Variants in SZT2 observed in about 807,000 individuals in gnomAD.
SZT2 encodes KICSTOR complex protein SZT2.
SZT2 carries 216 observed loss-of-function variants against 404.2 expected under a neutral mutation model. That is an observed-to-expected ratio of 0.53 (90% CI 0.48 to 0.60). SZT2 has a LOEUF of 0.60. SZT2 is among the 20% of genes least tolerant of loss of function. SZT2 has a pLI of 0.00. For synonymous variants in SZT2, 1,693 were observed against 1,749.9 expected (o/e 0.97, Z 0.81); for missense variants, 3,857 against 4,459.2 (o/e 0.86, Z 3.85).
In SZT2 at chr1:43,442,115, A is replaced by G; in HGVS notation, c.7858A>G (p.Arg2620Gly). The G allele has an allele frequency of 6.5e-7, 1 of 1,537,606 alleles. No homozygotes were observed. Among genetic ancestry groups the G allele is most frequent in the Non-Finnish European group, 8.8e-7 (1 of 1,134,630 alleles). The change falls in exon 56 of 72, where the codon AGA becomes GGA. Residue 2620 changes from arginine to glycine, a missense_variant. Coordinates refer to ENST00000634258, the MANE Select transcript of SZT2 (RefSeq NM_001365999.1). This position sits in a 1 kb window ranked among gnomAD's most constrained non-coding sequence, Gnocchi z 4.5. ...GGGAAGGAACTTCTTGCAGTGGAGG[A>G]GACCAACACAGCAGGGTGAGGGCAT... ...LLGRNFLQWRRPTQQAAKAMQ... is the reference protein window; with the variant it reads ...LLGRNFLQWRGPTQQAAKAMQ...
At position 43,451,375 on chromosome 1, in the gene SZT2, C is replaced by T; in HGVS notation, c.*895C>T. 6.2e-7 allele frequency: 1 copy of T among 1,611,982 alleles called. No homozygotes were observed. The highest frequency in any genetic ancestry group is 1.1e-5 in the South Asian group (1 of 91,080). ...GGAGAAAACAGCCCCTGTCCGGGTC[C>T]CTCCAGAGCTCCCTTCCCCAGGGCC... On this transcript the variant is annotated 3_prime_UTR_variant, in exon 72 of 72. Coordinates refer to ENST00000634258, the MANE Select transcript of SZT2 (RefSeq NM_001365999.1).
rs1236665761 is a variant in SZT2 at position 43,401,657 on chromosome 1, T to C, written c.28-1520T>C. 5.9e-5 allele frequency among the ~76,000 whole-genome samples: 9 copies of C among 152,144 alleles called. No individual in the cohort carries two copies. In the East Asian group the frequency reaches 1.4e-3, roughly 23 times the overall value. ...CCTGCCACCACGCCTAGCTAATTTT[T>C]GTATTTTTAGTAGAGACGGGGTTTC... On this transcript the variant is annotated intron_variant, in intron 1 of 71. Coordinates refer to ENST00000634258, the MANE Select transcript of SZT2 (RefSeq NM_001365999.1).
Position 43,442,196 on chromosome 1 carries a change from T to C in SZT2, c.7873+66T>C. ...AGAGTAACTGGTGGGGTCTCCAACCTTGCAGAGGGGAGGGTGGGATCAAGG... is the reference window on the plus strand; with the variant it reads ...AGAGTAACTGGTGGGGTCTCCAACCCTGCAGAGGGGAGGGTGGGATCAAGG... On this transcript the variant is annotated intron_variant, in intron 56 of 71. Coordinates refer to ENST00000634258, the MANE Select transcript of SZT2 (RefSeq NM_001365999.1). The surrounding 1 kb of genome is among the most constrained non-coding windows in gnomAD (Gnocchi z 4.5). The C allele has an allele frequency of 6.2e-7, 1 of 1,600,650 alleles. No homozygotes were observed. The highest frequency in any genetic ancestry group is 1.3e-5 in the African/African-American group (1 of 74,784).
intron 1 of SZT2, among the ~76,000 whole-genome samples, chr1:43,398,809 C>T (rs556029228): frequency 9.9e-5 from 15 of 152,256 alleles, no homozygotes; most frequent in Admixed American, 8.5e-4. Flanking sequence ...AGGTTGGGTG[C>T]GGTGGCTCAC....
rs1178290942 is a variant in SZT2 at position 43,453,546 on chromosome 1, G to GC, written c.*3067dup. The GC allele has an allele frequency of 9.9e-6, 15 of 1,520,212 alleles. 1 individual carries two copies. The highest frequency in any genetic ancestry group is 9.7e-5 in the African/African-American group (7 of 72,512). 94.2% of individuals were successfully genotyped at this position (1,520,212 alleles called of 1,614,324 possible). ...CCCCGGCTCGGACACTCCCCTGCCC[G>GC]CGCCCCGGCACCCCCCAGCCCTCCC... On this transcript the variant is annotated 3_prime_UTR_variant, in exon 72 of 72. Transcript: ENST00000634258.
In SZT2 at chr1:43,425,145, G is replaced by A; in HGVS notation, c.2583G>A (p.Glu861=). Residue 861 remains glutamate (E), a synonymous_variant, in exon 18 of 72, where the codon GAG becomes GAA. Coordinates refer to ENST00000634258, the MANE Select transcript of SZT2 (RefSeq NM_001365999.1). This position sits in a 1 kb window ranked among gnomAD's most constrained non-coding sequence, Gnocchi z 4.3. ...NEPPGQAAAE[E]KHTCVVQYIL... is the part of the protein sequence containing the mutation. ...CACCAGGGCAGGCTGCAGCTGAAGA[G>A]AAGCACACCTGTGTTGTCCAGTACA... The A allele has an allele frequency of 2.5e-6, 4 of 1,614,204 alleles. No homozygotes were observed. Among genetic ancestry groups the A allele is most frequent in the Non-Finnish European group, 3.4e-6 (4 of 1,180,026 alleles).
At position 43,451,804 on chromosome 1, in the gene SZT2, T is replaced by C; in HGVS notation, c.*1324T>C. The stretch of plus-strand genomic sequence containing the variant: ...AGTACCCCCTTCCACTTACCATTTG[T>C]AATTGGAGGTTGGGTCTTCCTACCT... On this transcript the variant is annotated 3_prime_UTR_variant, in exon 72 of 72. Transcript: ENST00000634258. 6.2e-7 allele frequency: 1 copy of C among 1,613,980 alleles called. No individual in the cohort carries two copies.
rs1557615896 is a variant in SZT2, at chr1:43,452,367, C to T, written c.*1887C>T. Reference sequence around the variant, plus strand: ...GCCTTGCCTCCCTTGGCTCTCTCTGCACCTCTTCCAGGATTCCCTGACTGT... The same window carrying T: ...GCCTTGCCTCCCTTGGCTCTCTCTGTACCTCTTCCAGGATTCCCTGACTGT... On this transcript the variant is annotated 3_prime_UTR_variant, in exon 72 of 72. Coordinates refer to ENST00000634258, the MANE Select transcript of SZT2 (RefSeq NM_001365999.1). The T allele has an allele frequency of 6.9e-7, 1 of 1,441,852 alleles. No individual in the cohort carries two copies. Among genetic ancestry groups the T allele is most frequent in the Admixed American group, 1.8e-5 (1 of 56,372 alleles). 89.3% of individuals were successfully genotyped at this position (1,441,852 alleles called of 1,614,324 possible).
At chr1:43,404,314 G>A in intron 3 of SZT2, 66 bp from the exon 4 acceptor site, 1 of 1,406,510 alleles carries the variant, frequency 7.1e-7, no homozygotes, top group Admixed American at 1.9e-5. Flanking sequence ...CATGGAAGCT[G>A]CATGTTTCTG....
At chr1:43,396,015 A>G (rs192860440) in intron 1 of SZT2, among the ~76,000 whole-genome samples, 1 of 152,348 alleles carries the variant, frequency 6.6e-6, no homozygotes, top group Non-Finnish European at 1.5e-5. Flanking sequence ...ATGTGTCCAA[A>G]AAAGCCAGGT....
intron 1 of SZT2, among the ~76,000 whole-genome samples, chr1:43,397,901 A>G (rs949108151): frequency 2.6e-5 from 4 of 152,188 alleles, no homozygotes; most frequent in Admixed American, 6.5e-5. Flanking sequence ...TGAATGCCCA[A>G]CATAGGACCC....
At position 43,424,568 on chromosome 1, in the gene SZT2, GC is replaced by G; in HGVS notation, c.2471+139del. ...GAAGTATAGAGCAGCATCTGCTACT[GC>G]CCTCCCTGTCTCCTCCCATCACCCG... On this transcript the variant is annotated intron_variant, in intron 16 of 71. Coordinates refer to ENST00000634258, the MANE Select transcript of SZT2 (RefSeq NM_001365999.1). This position sits in a 1 kb window ranked among gnomAD's most constrained non-coding sequence, Gnocchi z 4.1. 1.0e-6 allele frequency: 1 copy of G among 968,410 alleles called. No homozygotes were observed. Among genetic ancestry groups the G allele is most frequent in the South Asian group, 1.6e-5 (1 of 62,748 alleles). 60.0% of individuals were successfully genotyped at this position (968,410 alleles called of 1,614,324 possible).
chr1:43,439,292 G>A lies in SZT2; in HGVS notation c.6793-66G>A. The A allele has an allele frequency of 6.3e-7, 1 of 1,578,644 alleles. No homozygotes were observed. Among genetic ancestry groups the A allele is most frequent in the Non-Finnish European group, 8.7e-7 (1 of 1,148,864 alleles). On this transcript the variant is annotated intron_variant, in intron 48 of 71. Transcript: ENST00000634258. This position sits in a 1 kb window ranked among gnomAD's most constrained non-coding sequence, Gnocchi z 4.2. ...ACCTGCACCACATTCCCCACTGTGG[G>A]CACCCATCCCCGAGGGTTTTGTCCA...
intron 4 of SZT2, chr1:43,412,233 TCA>T (rs1491503905): frequency 6.6e-6 from 1 of 152,354 alleles, no homozygotes; most frequent in East Asian, 1.9e-4. Context: ...CCAGAAATAC[TCA>T]CAATAGGCTG....
intron 35 of SZT2, 51 bp downstream of exon 35, chr1:43,431,574 G>A: frequency 6.2e-7 from 1 of 1,610,292 alleles, no homozygotes; most frequent in Admixed American, 1.7e-5. Flanking sequence ...CATCGTATGA[G>A]TGAGATAAGG....
intron 15 of SZT2, among the ~76,000 whole-genome samples, chr1:43,423,797 G>T (rs529706329): frequency 7.1e-6 from 1 of 141,072 alleles, no homozygotes. Flanking sequence ...TGTGACTTAG[G>T]GGGGTATGAG....
Position 43,428,349 on chromosome 1 carries a change from C to G in SZT2, c.4029C>G (p.Leu1343=), listed in dbSNP as rs780166843. The change falls in exon 28 of 72, where the codon CTC becomes CTG. Residue 1343 remains leucine (L), a synonymous_variant. Coordinates refer to ENST00000634258, the MANE Select transcript of SZT2 (RefSeq NM_001365999.1). ...AAGAAATAGACATCACCCCATTTCT[C>G]CTTGCATTGTGTGGCCACACTTGGG... ...LLQEIDITPF[L]LALCGHTWGL... 1 of 1,614,196 alleles carries G rather than the reference C, an allele frequency of 6.2e-7. No individual in the cohort carries two copies. Among genetic ancestry groups the G allele is most frequent in the Admixed American group, 1.7e-5 (1 of 60,028 alleles).
intron 26 of SZT2, 75 bp from the exon 27 acceptor site, chr1:43,427,928 G>C: frequency 7.3e-7 from 1 of 1,378,460 alleles, no homozygotes. Flanking sequence ...TGATCCATTG[G>C]AGTGTGGATG....
Position 43,451,439 on chromosome 1 carries a change from C to G in SZT2, c.*959C>G, listed in dbSNP as rs773341483. 17 of 1,613,644 alleles carry G rather than the reference C, an allele frequency of 1.1e-5. 1 individual carries two copies. The highest frequency in any genetic ancestry group is 4.0e-5 in the African/African-American group (3 of 74,934). ...AGGCTGATACTCACAGCCCACGAAGCCTTTGTAGCCTTCATCTTCCAGCAG... is the reference window on the plus strand; with the variant it reads ...AGGCTGATACTCACAGCCCACGAAGGCTTTGTAGCCTTCATCTTCCAGCAG... On this transcript the variant is annotated 3_prime_UTR_variant, in exon 72 of 72. Coordinates refer to ENST00000634258, the MANE Select transcript of SZT2 (RefSeq NM_001365999.1).
Sources: allele counts gnomAD v4.1 joint callset (sites outside exome capture counted in the v4.1 genomes callset), GRCh38; gene constraint gnomAD v4.1.1; non-coding constraint Gnocchi (gnomAD v3.1); transcripts MANE v1.5; gene names NCBI Gene and HGNC (gene_info 2026-07-23, HGNC 2026-07-21).